Variants in KCNMA1 observed in about 807,000 individuals in gnomAD.
KCNMA1 encodes the protein Calcium-activated potassium channel subunit alpha-1.
A neutral mutation model predicts 140.0 loss-of-function variants in KCNMA1; 29 were observed. That is an observed-to-expected ratio of 0.21 (90% confidence interval 0.15 to 0.28). The LOEUF (loss-of-function observed/expected upper bound fraction) is 0.28, where lower values mean the gene tolerates loss of function less well. Among genes scored for constraint, KCNMA1 ranks in the 10% least tolerant of loss-of-function variants. KCNMA1 has a pLI of 1.00. For synonymous variants in KCNMA1, 612 were observed against 611.9 expected, an observed-to-expected ratio of 1.00 and a Z score of 0.00; for missense variants, 880 against 1,602.2, an observed-to-expected ratio of 0.55 and a Z score of 7.70.
At chr10:77,203,607 C>T (rs1416279455) in intron 3 of KCNMA1, among the ~76,000 whole-genome samples, 1 of 152,090 alleles carries the variant, frequency 6.6e-6, no homozygotes, top group Non-Finnish European at 1.5e-5. Context: ...TGTTTTGTGT[C>T]TGGGTTCCCA....
chr10:77,504,062 A>AT (rs1044886200), intron 1 of KCNMA1, among the ~76,000 whole-genome samples: 7 of 152,122 alleles, frequency 4.6e-5, no homozygotes, highest in Admixed American at 2.6e-4. Flanking sequence ...TAGGGATACA[A>AT]TTGGGTAGCA....
chr10:77,602,941 AGG>A (rs2083133479), intron 1 of KCNMA1, among the ~76,000 whole-genome samples: 1 of 152,194 alleles, frequency 6.6e-6, no homozygotes. Context: ...AGAATGGGGA[AGG>A]GTATGAAACA....
At chr10:77,619,361 A>G (rs949892225) in intron 1 of KCNMA1, among the ~76,000 whole-genome samples, 16 of 151,036 alleles carry the variant, frequency 1.1e-4, no homozygotes, top group African/African-American at 3.9e-4. Flanking sequence ...GCCCACGCAC[A>G]TGCTTCCTCT....
At chr10:76,935,315 G>A (rs2152749712) in intron 23 of KCNMA1, among the ~76,000 whole-genome samples, 1 of 152,338 alleles carries the variant, frequency 6.6e-6, no homozygotes, top group Middle Eastern at 3.4e-3. Flanking sequence ...GTTTGTCCTG[G>A]GGGTGCCCCC....
chr10:77,582,174 C>G (rs1367336352), intron 1 of KCNMA1, among the ~76,000 whole-genome samples: 1 of 152,252 alleles, frequency 6.6e-6, no homozygotes, highest in East Asian at 1.9e-4. Flanking sequence ...GACATCATCA[C>G]TGACATTGAG....
At position 77,637,138 on chromosome 10, in the gene KCNMA1, CGGCGAGGGGAAGGCA is replaced by C. The variant is rs914480435; in HGVS notation, c.378+112_378+126del. ...CCGGGAGAGCCGAGGGAAGGGAAGG[CGGCGAGGGGAAGGCA>C]GGCGGGGATGGAGGGAGGCACGGCG... is the stretch of plus-strand genomic sequence containing the variant. On this transcript the variant is annotated intron_variant, in intron 1 of 27. Transcript: ENST00000286628. The C allele has an allele frequency of 9.6e-6, 12 of 1,247,234 alleles. No homozygotes were observed. In the African/African-American group the frequency reaches 1.5e-4, roughly 16 times the overall value. The allele number at this position is 1,247,234 out of a possible 1,614,324, so 77.3% of individuals were successfully genotyped here. A position where few individuals can be genotyped will look rare whatever the true frequency, so the allele number is the denominator to read the frequency against.
At chr10:77,124,190 A>C (rs11002026) in intron 5 of KCNMA1, among the ~76,000 whole-genome samples, 3,267 of 152,274 alleles carry the variant, frequency 0.021, 55 homozygotes, top group South Asian at 0.052. Flanking sequence ...GCTTTTATTT[A>C]TGGAACTAAA....
At chr10:77,300,131 T>G (rs1290922545) in intron 2 of KCNMA1, among the ~76,000 whole-genome samples, 1 of 152,232 alleles carries the variant, frequency 6.6e-6, no homozygotes, top group Non-Finnish European at 1.5e-5. Flanking sequence ...CCAGGTACCC[T>G]GTGCAGGGCA....
At chr10:76,928,022 AC>A (rs1301704199) in intron 23 of KCNMA1, among the ~76,000 whole-genome samples, 1 of 152,090 alleles carries the variant, frequency 6.6e-6, no homozygotes, top group African/African-American at 2.4e-5. Flanking sequence ...GGAAGTCACT[AC>A]CCACATTAAG....
chr10:76,888,791 G>A (rs1425963779), intron 27 of KCNMA1, among the ~76,000 whole-genome samples: 2 of 152,172 alleles, frequency 1.3e-5, no homozygotes, highest in African/African-American at 4.8e-5. Context: ...AGGGCGGGGT[G>A]TGGTGGCTCA....
chr10:77,212,581 T>C (rs1030981289), intron 3 of KCNMA1, among the ~76,000 whole-genome samples: 7 of 152,162 alleles, frequency 4.6e-5, no homozygotes, highest in African/African-American at 1.7e-4. Flanking sequence ...AAATTAAAAA[T>C]ATATATTTTT....
intron 19 of KCNMA1, chr10:76,974,317 G>A (rs538825556): frequency 9.5e-5 from 49 of 518,488 alleles, no homozygotes; most frequent in Non-Finnish European, 1.5e-4. Context: ...ATTATTAATC[G>A]TTTTTTACGG....
At chr10:77,063,502 C>A (rs1213325828) in intron 14 of KCNMA1, among the ~76,000 whole-genome samples, 1 of 152,086 alleles carries the variant, frequency 6.6e-6, no homozygotes, top group Non-Finnish European at 1.5e-5. Flanking sequence ...TAAAGTATTA[C>A]TATAATTCCA....
intron 5 of KCNMA1, among the ~76,000 whole-genome samples, chr10:77,124,008 T>C (rs935877461): frequency 2.6e-5 from 4 of 152,156 alleles, no homozygotes; most frequent in South Asian, 4.1e-4. Context: ...ACATTATGAA[T>C]TGTTTATTTC....
intron 5 of KCNMA1, 151 bp from the exon 6 acceptor site, chr10:77,121,199 A>G (rs1460304316): frequency 1.5e-5 from 10 of 675,848 alleles, no homozygotes; most frequent in Non-Finnish European, 2.7e-5. Flanking sequence ...ATATTCCTTC[A>G]TTCTGATTCT....
intron 2 of KCNMA1, among the ~76,000 whole-genome samples, chr10:77,284,585 C>A (rs982256088): frequency 2.0e-5 from 3 of 152,082 alleles, no homozygotes; most frequent in Non-Finnish European, 4.4e-5. Context: ...ACGATCTCGA[C>A]TCACTGCAAC....
chr10:77,587,510 A>G (rs2077587520), intron 1 of KCNMA1, among the ~76,000 whole-genome samples: 1 of 152,124 alleles, frequency 6.6e-6, no homozygotes, highest in Admixed American at 6.5e-5. Flanking sequence ...AGAGGGAGGG[A>G]ACAGGAGCCT....
At chr10:77,409,045 G>A (rs576354517) in intron 1 of KCNMA1, among the ~76,000 whole-genome samples, 55 of 152,176 alleles carry the variant, frequency 3.6e-4, no homozygotes, top group Admixed American at 9.2e-4. Context: ...AACCTCTCAC[G>A]GGGCTGTGCC....
At chr10:77,580,363 AG>A (rs1440303267) in intron 1 of KCNMA1, among the ~76,000 whole-genome samples, 2 of 149,688 alleles carry the variant, frequency 1.3e-5, no homozygotes, top group Non-Finnish European at 3.0e-5. Context: ...CCTGGACAAC[AG>A]AGGGAGACTC....
Sources: gnomAD v4.1 joint callset for allele counts (sites outside exome capture counted in the v4.1 genomes callset) on GRCh38, gnomAD v4.1.1 for gene constraint, MANE v1.5 for transcripts, NCBI Gene and HGNC (gene_info 2026-07-23, HGNC 2026-07-21) for gene names.